Variants in GRIN2A observed in about 807,000 individuals in gnomAD.
GRIN2A encodes glutamate receptor ionotropic, NMDA 2A.
A neutral mutation model predicts 113.4 loss-of-function variants in GRIN2A; 22 were observed. The observed-to-expected ratio is 0.19, with a 90% CI of 0.14 to 0.28. GRIN2A has a LOEUF of 0.28. Ranked by LOEUF, GRIN2A falls within the 10% of genes least tolerant of loss-of-function variation. GRIN2A has a pLI of 1.00. For missense variants in GRIN2A, 1,502 were observed against 1,887.0 expected, an observed-to-expected ratio of 0.80 and a Z score of 3.78; for synonymous variants, 827 against 738.4, an observed-to-expected ratio of 1.12 and a Z score of -1.94.
intron 2 of GRIN2A, among the ~76,000 whole-genome samples, chr16:9,992,093 G>T (rs374548813): frequency 6.6e-6 from 1 of 152,128 alleles, no homozygotes; most frequent in East Asian, 1.9e-4. Context: ...AGATAAGGAC[G>T]TCAAGTTCCC....
At chr16:9,827,847 T>C (rs771567650) in intron 9 of GRIN2A, among the ~76,000 whole-genome samples, 1 of 152,202 alleles carries the variant, frequency 6.6e-6, no homozygotes, top group Admixed American at 6.5e-5. Context: ...AATAACTCTA[T>C]CAAAACTACA....
chr16:9,979,225 G>A (rs2045836222), intron 2 of GRIN2A, among the ~76,000 whole-genome samples: 1 of 152,206 alleles, frequency 6.6e-6, no homozygotes, highest in Admixed American at 6.5e-5. Context: ...CAATGACACA[G>A]AGGGTTGCCT....
At chr16:10,129,926 G>T (rs982821098) in intron 2 of GRIN2A, among the ~76,000 whole-genome samples, 1 of 152,236 alleles carries the variant, frequency 6.6e-6, no homozygotes, top group Admixed American at 6.5e-5. Context: ...TGCAGTGAAG[G>T]TAGAAGCATG....
rs768592036 is a variant in GRIN2A, at chr16:10,180,081, G to C, written c.331C>G (p.Gln111Glu). 1 of 1,614,194 alleles carries C rather than the reference G, an allele frequency of 6.2e-7. No homozygotes were observed. The highest frequency in any genetic ancestry group is 8.5e-7 in the Non-Finnish European group (1 of 1,180,020). ...TGGGAGGAGATAAAATCCAGCATCT[G>C]GGCTACGGCCTCCTGGTCCGTGTCG... ...GDDTDQEAVAQMLDFISSHTF... is the reference protein window; with the variant it reads ...GDDTDQEAVAEMLDFISSHTF... Residue 111 changes from glutamine to glutamate, a missense_variant, in exon 2 of 13, where the codon CAG becomes GAG. Coordinates refer to ENST00000330684, the MANE Select transcript of GRIN2A (RefSeq NM_001134407.3). This position sits in a 1 kb window ranked among gnomAD's most constrained non-coding sequence, Gnocchi z 7.0.
rs1471152969 is a variant in GRIN2A at position 9,763,773 on chromosome 16, T to G, written c.3771A>C (p.Thr1257=). ...DIDEDQMLQE[T]GNPATGEQVY... ...CCTGCTCCCCGGTGGCTGGGTTACC[T>G]GTCTCCTGAAGCATCTGGTCTTCAT... The change falls in exon 13 of 13, where the codon ACA becomes ACC. Residue 1257 remains threonine (T), a synonymous_variant. Transcript: ENST00000330684. 6.2e-7 allele frequency: 1 copy of G among 1,614,054 alleles called. No individual in the cohort carries two copies. Among genetic ancestry groups the G allele is most frequent in the Non-Finnish European group, 8.5e-7 (1 of 1,180,030 alleles).
intron 11 of GRIN2A, among the ~76,000 whole-genome samples, chr16:9,779,885 A>G (rs916788729): frequency 6.6e-6 from 1 of 152,212 alleles, no homozygotes; most frequent in Non-Finnish European, 1.5e-5. Flanking sequence ...CTAGATATCA[A>G]TTCTAACTCA....
At chr16:9,850,751 G>A (rs970630350) in intron 4 of GRIN2A, among the ~76,000 whole-genome samples, 7 of 152,140 alleles carry the variant, frequency 4.6e-5, no homozygotes, top group South Asian at 2.1e-4. Flanking sequence ...ACTGCTTAGC[G>A]TACATCAAGA....
chr16:9,905,130 G>C (rs1487102980), intron 3 of GRIN2A, among the ~76,000 whole-genome samples: 1 of 152,186 alleles, frequency 6.6e-6, no homozygotes, highest in Non-Finnish European at 1.5e-5. Context: ...CTTTATGCTA[G>C]CAAAGTATAG....
intron 2 of GRIN2A, among the ~76,000 whole-genome samples, chr16:10,071,188 T>C (rs891620540): frequency 2.6e-5 from 4 of 152,206 alleles, no homozygotes; most frequent in African/African-American, 9.7e-5. Context: ...CATGGAAATT[T>C]GGGATTTCTA....
chr16:10,054,934 C>A (rs894396719), intron 2 of GRIN2A, among the ~76,000 whole-genome samples: 1 of 150,776 alleles, frequency 6.6e-6, no homozygotes, highest in Non-Finnish European at 1.5e-5. Context: ...GTAGTCCCAA[C>A]TACTCAGGAA....
chr16:9,799,431 G>A (rs1419706944), intron 10 of GRIN2A, among the ~76,000 whole-genome samples: 1 of 152,194 alleles, frequency 6.6e-6, no homozygotes, highest in Non-Finnish European at 1.5e-5. Context: ...TGGTCCTGCA[G>A]ATGCCCTGAT....
intron 2 of GRIN2A, among the ~76,000 whole-genome samples, chr16:10,116,162 C>G (rs2048724863): frequency 6.6e-6 from 1 of 152,306 alleles, no homozygotes; most frequent in South Asian, 2.1e-4. Flanking sequence ...AGATCACGTC[C>G]TTTGCAGGGA....
chr16:10,037,094 TG>T (rs2047051111), intron 2 of GRIN2A: 2 of 152,284 alleles, frequency 1.3e-5, no homozygotes, highest in South Asian at 4.2e-4. Context: ...GACACCTCCC[TG>T]GATGGATGGA....
At chr16:10,011,259 A>G (rs1264451757) in intron 2 of GRIN2A, among the ~76,000 whole-genome samples, 1 of 152,198 alleles carries the variant, frequency 6.6e-6, no homozygotes, top group Non-Finnish European at 1.5e-5. Context: ...TACATTAGAA[A>G]GAATTCTAGA....
At chr16:10,089,673 T>G (rs1011431788) in intron 2 of GRIN2A, among the ~76,000 whole-genome samples, 1 of 152,178 alleles carries the variant, frequency 6.6e-6, no homozygotes, top group Admixed American at 6.5e-5. Context: ...TATCTAACAC[T>G]GTTAGACATA....
rs113337877 is a variant in GRIN2A at position 10,180,845 on chromosome 16, T to C, written c.-18-416A>G. On this transcript the variant is annotated intron_variant, in intron 1 of 12. Coordinates refer to ENST00000330684, the MANE Select transcript of GRIN2A (RefSeq NM_001134407.3). This position sits in a 1 kb window ranked among gnomAD's most constrained non-coding sequence, Gnocchi z 7.0. ...TCCATCCAACCCCTCCCACCTGGGA[T>C]AGAGAGGACCAAGTTATCAACCCCG... 1 of 226,338 alleles carries C rather than the reference T, an allele frequency of 4.4e-6. No homozygotes were observed. The highest frequency in any genetic ancestry group is 2.3e-5 in the African/African-American group (1 of 43,794). 14.0% of individuals were successfully genotyped at this position (226,338 alleles called of 1,614,324 possible).
At chr16:9,802,038 A>C (rs1903393256) in intron 10 of GRIN2A, among the ~76,000 whole-genome samples, 4 of 152,236 alleles carry the variant, frequency 2.6e-5, no homozygotes. Context: ...CACCAGTCAG[A>C]AAGGGCTATT....
Position 9,877,636 on chromosome 16 carries a change from G to T in GRIN2A, c.1122+13350C>A, listed in dbSNP as rs576267260. On this transcript the variant is annotated intron_variant, in intron 4 of 12. Coordinates refer to ENST00000330684, the MANE Select transcript of GRIN2A (RefSeq NM_001134407.3). ...TCTCCCCCTTCCTCTCCCCAGTTCCGTCTTCCTCTCTCCCTCTCCCCCCTC... is the reference window on the plus strand; with the variant it reads ...TCTCCCCCTTCCTCTCCCCAGTTCCTTCTTCCTCTCTCCCTCTCCCCCCTC... Among the ~76,000 whole-genome samples the T allele has an allele frequency of 2.3e-3, 236 of 103,888 alleles. 1 individual carries two copies. The highest frequency in any genetic ancestry group is 9.1e-3 in the African/African-American group (224 of 24,740). 68.2% of individuals were successfully genotyped at this position (103,888 alleles called of 152,430 possible). A position where few individuals can be genotyped will look rare whatever the true frequency, so the allele number is the denominator to read the frequency against.
intron 4 of GRIN2A, among the ~76,000 whole-genome samples, chr16:9,871,400 G>T (rs1191557817): frequency 2.7e-5 from 4 of 145,812 alleles, no homozygotes; most frequent in Admixed American, 1.4e-4. Context: ...AGAGAACACT[G>T]TCAATAGACT....
Sources: allele counts gnomAD v4.1 joint callset (sites outside exome capture counted in the v4.1 genomes callset), GRCh38; gene constraint gnomAD v4.1.1; non-coding constraint Gnocchi (gnomAD v3.1); transcripts MANE v1.5; gene names NCBI Gene and HGNC (gene_info 2026-07-23, HGNC 2026-07-21).